The following RBFOX3 variants were observed in gnomAD, a reference collection of about 807,000 sequenced individuals.
The protein encoded by RBFOX3 is RNA binding fox-1 homolog 3, also known as RNA binding protein fox-1 homolog 3.
A neutral mutation model predicts 48.7 loss-of-function variants in RBFOX3; 17 were observed. The observed-to-expected ratio is 0.35, with a 90% CI of 0.24 to 0.52. RBFOX3 has a LOEUF of 0.52. RBFOX3 is among the 20% of genes least tolerant of loss of function. The pLI, the probability that RBFOX3 is intolerant of heterozygous loss-of-function variation, is 0.94. For missense variants in RBFOX3, 382 were observed against 497.5 expected (o/e 0.77, Z 2.21); for synonymous variants, 212 against 209.5 (o/e 1.01, Z -0.10).
intron 2 of RBFOX3, among the ~76,000 whole-genome samples, chr17:79,431,272 T>A (rs1438490651): frequency 2.0e-5 from 3 of 152,226 alleles, no homozygotes; most frequent in Non-Finnish European, 4.4e-5. Flanking sequence ...TGAACCATTG[T>A]TCCTAGGGGA....
chr17:79,273,633 C>G (rs929464945), intron 3 of RBFOX3, among the ~76,000 whole-genome samples: 3 of 152,116 alleles, frequency 2.0e-5, no homozygotes, highest in African/African-American at 7.2e-5. Flanking sequence ...GAGGCTGGCC[C>G]TGGTCCTGGG....
intron 4 of RBFOX3, among the ~76,000 whole-genome samples, chr17:79,146,419 G>T (rs867560143): frequency 6.6e-6 from 1 of 152,214 alleles, no homozygotes; most frequent in South Asian, 2.1e-4. Flanking sequence ...CTGCAAGAGG[G>T]TACGTGACTC....
intron 1 of RBFOX3, among the ~76,000 whole-genome samples, chr17:79,537,419 C>T (rs1004423721): frequency 6.6e-6 from 1 of 152,176 alleles, no homozygotes; most frequent in African/African-American, 2.4e-5. Flanking sequence ...TCTGTAAAGA[C>T]CCTATTTCCA....
chr17:79,334,901 A>G (rs565386188), intron 2 of RBFOX3, among the ~76,000 whole-genome samples: 1 of 152,336 alleles, frequency 6.6e-6, no homozygotes, highest in East Asian at 1.9e-4. Context: ...CCCTGCACAG[A>G]CACAGTGGCA....
chr17:79,130,011 G>C (rs576823096), intron 4 of RBFOX3, among the ~76,000 whole-genome samples: 2 of 152,188 alleles, frequency 1.3e-5, no homozygotes, highest in Non-Finnish European at 2.9e-5. Flanking sequence ...TGCGGGGACC[G>C]GGAGGAGGCT....
the RBFOX3 span, among the ~76,000 whole-genome samples, chr17:79,644,337 T>C: frequency 6.6e-6 from 1 of 152,154 alleles, no homozygotes; most frequent in African/African-American, 2.4e-5. Flanking sequence ...CCAACATAAC[T>C]ATGATATCAA....
At chr17:79,462,332 C>A (rs1332580907) in intron 2 of RBFOX3, among the ~76,000 whole-genome samples, 3 of 152,232 alleles carry the variant, frequency 2.0e-5, no homozygotes, top group African/African-American at 7.2e-5. Context: ...AGTTCTCTAA[C>A]ACTGCTGGAC....
chr17:79,659,819 G>A, the RBFOX3 span, among the ~76,000 whole-genome samples: 1 of 151,970 alleles, frequency 6.6e-6, no homozygotes, highest in African/African-American at 2.4e-5. Flanking sequence ...GATCCCTGGA[G>A]GGCCCCTCTT....
chr17:79,328,800 G>A (rs1057421264), intron 2 of RBFOX3, among the ~76,000 whole-genome samples: 2 of 152,214 alleles, frequency 1.3e-5, no homozygotes, highest in African/African-American at 4.8e-5. Context: ...CCTGCACTTT[G>A]TAAAATTAAA....
At chr17:79,169,681 C>T (rs1467976124) in intron 4 of RBFOX3, among the ~76,000 whole-genome samples, 1 of 152,176 alleles carries the variant, frequency 6.6e-6, no homozygotes, top group Non-Finnish European at 1.5e-5. Flanking sequence ...GGCAGGAAGG[C>T]CGCACACGGG....
intron 4 of RBFOX3, among the ~76,000 whole-genome samples, chr17:79,143,664 C>T (rs2042397311): frequency 6.6e-6 from 1 of 152,190 alleles, no homozygotes; most frequent in African/African-American, 2.4e-5. Context: ...CAGGAGCTCC[C>T]TAGGGACAGG....
chr17:79,112,904 C>CGGGGCG (rs1555693090), intron 5 of RBFOX3, among the ~76,000 whole-genome samples: 16 of 10,354 alleles, frequency 1.5e-3, no homozygotes, highest in African/African-American at 6.4e-3. Flanking sequence ...AGCAGGCTCT[C>CGGGGCG]GGGGGGGGGG....
intron 4 of RBFOX3, among the ~76,000 whole-genome samples, chr17:79,174,444 CAT>C (rs982190296): frequency 1.3e-5 from 2 of 151,570 alleles, no homozygotes; most frequent in African/African-American, 4.9e-5. Context: ...TGACACAATG[CAT>C]ATCACATACG....
chr17:79,335,566 C>A (rs2146478502), intron 2 of RBFOX3, among the ~76,000 whole-genome samples: 1 of 152,320 alleles, frequency 6.6e-6, no homozygotes, highest in African/African-American at 2.4e-5. Context: ...CCAGGCTACA[C>A]TGGAGTGTCC....
chr17:79,376,383 T>C (rs1426369394), intron 2 of RBFOX3, among the ~76,000 whole-genome samples: 1 of 151,806 alleles, frequency 6.6e-6, no homozygotes, highest in African/African-American at 2.4e-5. Context: ...AGAGGGAAGG[T>C]GGGGGTGGCA....
At chr17:79,582,506 T>A in intron 1 of RBFOX3, among the ~76,000 whole-genome samples, 1 of 152,190 alleles carries the variant, frequency 6.6e-6, no homozygotes, top group African/African-American at 2.4e-5. Flanking sequence ...AAATCTCTGT[T>A]CAAGATGCAA....
intron 2 of RBFOX3, among the ~76,000 whole-genome samples, chr17:79,325,767 A>C (rs969595227): frequency 2.0e-5 from 3 of 152,010 alleles, no homozygotes; most frequent in Non-Finnish European, 4.4e-5. Context: ...TTGGATATTT[A>C]TCGTTCGCTC....
chr17:79,617,267 G>A, the RBFOX3 span, among the ~76,000 whole-genome samples: 1 of 151,980 alleles, frequency 6.6e-6, no homozygotes, highest in Non-Finnish European at 1.5e-5. Flanking sequence ...TCCTGCTCTG[G>A]GGATGGGGGG....
intron 4 of RBFOX3, among the ~76,000 whole-genome samples, chr17:79,200,588 G>T (rs545490523): frequency 2.0e-4 from 31 of 152,340 alleles, no homozygotes; most frequent in African/African-American, 7.0e-4. Flanking sequence ...CGCCAGAGGA[G>T]AGCTGTTCAG....
Sources: gnomAD v4.1 joint callset for allele counts (sites outside exome capture counted in the v4.1 genomes callset) on GRCh38, gnomAD v4.1.1 for gene constraint, MANE v1.5 for transcripts, NCBI Gene and HGNC (gene_info 2026-07-23, HGNC 2026-07-21) for gene names.